Variants in CCDC93 observed in about 807,000 individuals in gnomAD.
CCDC93 encodes the protein CCC complex scaffolding subunit CCDC93.
CCDC93 carries 61 observed loss-of-function variants against 108.2 expected under a neutral mutation model. The observed-to-expected ratio is 0.56, with a 90% CI of 0.46 to 0.70. The LOEUF is 0.70. CCDC93 is among the 30% of genes least tolerant of loss of function. The pLI is 0.00. For synonymous variants in CCDC93, 276 were observed against 260.4 expected (o/e 1.06, Z -0.58); for missense variants, 685 against 764.2 (o/e 0.90, Z 1.22).
Position 117,916,166 on chromosome 2 carries a change from C to G in CCDC93, c.*4177G>C, listed in dbSNP as rs1006594239. On this transcript the variant is annotated 3_prime_UTR_variant, in exon 24 of 24. Coordinates refer to ENST00000376300, the MANE Select transcript of CCDC93 (RefSeq NM_019044.5). ...TGTCACACTCCTGCCACCACCGTAT[C>G]TAGTGCTGCCACCCACAGCCTTGCA... is the stretch of plus-strand genomic sequence containing the variant. 3.3e-5 allele frequency: 5 copies of G among 152,214 alleles called. No homozygotes were observed. The highest frequency in any genetic ancestry group is 1.2e-4 in the African/African-American group (5 of 41,456). The allele number at this position is 152,214 out of a possible 1,614,324, so 9.4% of individuals were successfully genotyped here. A position where few individuals can be genotyped will look rare whatever the true frequency, so the allele number is the denominator to read the frequency against.
intron 12 of CCDC93, among the ~76,000 whole-genome samples, chr2:117,952,666 T>C (rs1679095945): frequency 6.6e-6 from 1 of 152,196 alleles, no homozygotes; most frequent in Non-Finnish European, 1.5e-5. Flanking sequence ...CACTGAATCT[T>C]TATATTCAGT....
intron 8 of CCDC93, among the ~76,000 whole-genome samples, chr2:117,976,513 T>C (rs895154161): frequency 3.3e-5 from 5 of 152,174 alleles, no homozygotes; most frequent in African/African-American, 1.2e-4. Flanking sequence ...AATCAGTACA[T>C]GACTAAGTAC....
intron 23 of CCDC93, among the ~76,000 whole-genome samples, chr2:117,928,300 A>T (rs1181255067): frequency 6.6e-6 from 1 of 152,224 alleles, no homozygotes; most frequent in Admixed American, 6.5e-5. Context: ...ACAGCAAAAT[A>T]AACTACCATA....
At chr2:117,935,733 C>T (rs746236801) in intron 21 of CCDC93, 154 bp from the exon 22 acceptor site, 24 of 457,846 alleles carry the variant, frequency 5.2e-5, no homozygotes, top group Non-Finnish European at 8.5e-5. Flanking sequence ...CCCTGGGATC[C>T]CAGGCAATTA....
intron 11 of CCDC93, among the ~76,000 whole-genome samples, chr2:117,973,034 G>A (rs894487815): frequency 3.9e-5 from 6 of 152,108 alleles, no homozygotes; most frequent in Admixed American, 6.5e-5. Flanking sequence ...AGGTTCCCAC[G>A]GATGGCAGCA....
chr2:117,951,269 G>A, intron 13 of CCDC93: 1 of 985,398 alleles, frequency 1.0e-6, no homozygotes, highest in South Asian at 4.7e-5. Flanking sequence ...TAATCCGTAA[G>A]GAACCCAGTC....
intron 1 of CCDC93, among the ~76,000 whole-genome samples, chr2:118,010,362 T>A (rs933289164): frequency 6.6e-6 from 1 of 152,178 alleles, no homozygotes; most frequent in Non-Finnish European, 1.5e-5. Context: ...TTCATCTATT[T>A]ACTATCATGA....
rs952686618 is a variant in CCDC93 at position 117,989,468 on chromosome 2, T to A, written c.520-3399A>T. On this transcript the variant is annotated intron_variant, in intron 6 of 23. Coordinates refer to ENST00000376300, the MANE Select transcript of CCDC93 (RefSeq NM_019044.5). ...AAGCTTATATATGCTACTGCCACCT[T>A]GCAGTCAGGTCGTTCTTCTTGATCA... 2.6e-5 allele frequency among the ~76,000 whole-genome samples: 4 copies of A among 152,216 alleles called. No individual in the cohort carries two copies. In the East Asian group the frequency reaches 7.7e-4, roughly 29 times the overall value.
intron 11 of CCDC93, among the ~76,000 whole-genome samples, chr2:117,963,133 G>A (rs10182370): frequency 1 from 151,580 of 152,316 alleles, 75,426 homozygotes; most frequent in Middle Eastern, 1. Context: ...ACTTCTAAGG[G>A]ATATGGGGCT....
rs1166537762 is a variant in CCDC93, at chr2:118,014,028, A to G, written c.-33T>C. Reference sequence around the variant, plus strand: ...CCGGGCTGTCGTAAGGCGAGAGCGAAGCCCGCCAAGCGTCCGGAGGAAGCT... The same window carrying G: ...CCGGGCTGTCGTAAGGCGAGAGCGAGGCCCGCCAAGCGTCCGGAGGAAGCT... On this transcript the variant is annotated 5_prime_UTR_variant, in exon 1 of 24. Coordinates refer to ENST00000376300, the MANE Select transcript of CCDC93 (RefSeq NM_019044.5). The G allele has an allele frequency of 6.3e-7, 1 of 1,584,052 alleles. No homozygotes were observed. The highest frequency in any genetic ancestry group is 1.3e-5 in the African/African-American group (1 of 74,654).
intron 23 of CCDC93, 136 bp from the exon 24 acceptor site, chr2:117,920,532 G>A (rs1209023610): frequency 1.6e-5 from 8 of 513,252 alleles, no homozygotes; most frequent in Admixed American, 3.4e-5. Context: ...GCATGCTGCC[G>A]CCAGGATGGT....
At chr2:117,932,050 G>A (rs1678353236) in intron 22 of CCDC93, among the ~76,000 whole-genome samples, 3 of 152,132 alleles carry the variant, frequency 2.0e-5, no homozygotes, top group African/African-American at 7.2e-5. Context: ...CACGGGGGGA[G>A]GTGACGGAGA....
intron 3 of CCDC93, among the ~76,000 whole-genome samples, chr2:118,005,527 G>A (rs13034745): frequency 0.34 from 52,335 of 152,042 alleles, 9,526 homozygotes; most frequent in Middle Eastern, 0.46. Context: ...AGGCCAAGGC[G>A]AGAGGATTGC....
chr2:117,979,066 G>A (rs1680033402), intron 7 of CCDC93, among the ~76,000 whole-genome samples: 1 of 152,004 alleles, frequency 6.6e-6, no homozygotes, highest in South Asian at 2.1e-4. Flanking sequence ...CTCACTTCTG[G>A]GTTGTGTGCT....
At chr2:118,006,393 C>T (rs1364286264) in intron 3 of CCDC93, among the ~76,000 whole-genome samples, 1 of 152,194 alleles carries the variant, frequency 6.6e-6, no homozygotes, top group African/African-American at 2.4e-5. Flanking sequence ...GGAGACCATG[C>T]TGCTTTCTCT....
chr2:118,006,924 C>A, intron 2 of CCDC93, 108 bp from the exon 3 acceptor site: 2 of 667,362 alleles, frequency 3.0e-6, no homozygotes, highest in Non-Finnish European at 5.4e-6. Flanking sequence ...AGTAAACATA[C>A]AAAATTATAT....
chr2:117,916,596 G>T lies in CCDC93; in HGVS notation c.*3747C>A, dbSNP rs917262007. On this transcript the variant is annotated 3_prime_UTR_variant, in exon 24 of 24. Transcript: ENST00000376300. ...GTCAGTCATCTACCTTGAGCTAGAT[G>T]CTGGGGAGAGTGTGGTAAGACAAGC... 1 of 152,228 alleles carries T rather than the reference G, an allele frequency of 6.6e-6. No homozygotes were observed. Among genetic ancestry groups the T allele is most frequent in the Non-Finnish European group, 1.5e-5 (1 of 68,040 alleles). 9.4% of individuals were successfully genotyped at this position (152,228 alleles called of 1,614,324 possible). A position where few individuals can be genotyped will look rare whatever the true frequency, so the allele number is the denominator to read the frequency against.
intron 17 of CCDC93, 24 bp downstream of exon 17, chr2:117,945,505 A>C (rs1678841891): frequency 8.7e-6 from 14 of 1,606,042 alleles, no homozygotes; most frequent in Non-Finnish European, 1.2e-5. Context: ...AGACAATGCC[A>C]GTCCTGAGCA....
chr2:117,990,121 A>G (rs896578695), intron 6 of CCDC93, among the ~76,000 whole-genome samples: 12 of 152,260 alleles, frequency 7.9e-5, no homozygotes, highest in African/African-American at 2.9e-4. Context: ...ATTCAAGGTT[A>G]AGAGGGAGTA....
Sources: gnomAD v4.1 joint callset for allele counts (sites outside exome capture counted in the v4.1 genomes callset) on GRCh38, gnomAD v4.1.1 for gene constraint, MANE v1.5 for transcripts, NCBI Gene and HGNC (gene_info 2026-07-23, HGNC 2026-07-21) for gene names.